FRMD5: variants seen among roughly 807,000 people sequenced by gnomAD.
The protein encoded by FRMD5 is FERM domain-containing protein 5.
A neutral mutation model predicts 69.0 loss-of-function variants in FRMD5; 20 were observed. The observed-to-expected ratio is 0.29, with a 90% CI of 0.20 to 0.42. The LOEUF (loss-of-function observed/expected upper bound fraction) is 0.42. FRMD5 is among the 10% of genes least tolerant of loss of function. The pLI is 1.00. For synonymous variants in FRMD5, 271 were observed against 260.1 expected, an observed-to-expected ratio of 1.04 and a Z score of -0.40; for missense variants, 595 against 708.6, an observed-to-expected ratio of 0.84 and a Z score of 1.82.
At chr15:44,060,501 A>C (rs1022846118) in intron 1 of FRMD5, among the ~76,000 whole-genome samples, 3 of 152,258 alleles carry the variant, frequency 2.0e-5, no homozygotes, top group Non-Finnish European at 4.4e-5. Flanking sequence ...AGATTAAAGT[A>C]AGATAAACAT....
intron 6 of FRMD5, among the ~76,000 whole-genome samples, chr15:43,905,179 C>T (rs1212124986): frequency 6.6e-6 from 1 of 150,940 alleles, no homozygotes; most frequent in African/African-American, 2.4e-5. Flanking sequence ...CTCTGTCACC[C>T]AGGCTAGAGT....
chr15:44,139,319 AC>A, intron 1 of FRMD5, among the ~76,000 whole-genome samples: 1 of 151,728 alleles, frequency 6.6e-6, no homozygotes, highest in Non-Finnish European at 1.5e-5. Context: ...ACACACACAC[AC>A]ACACACACAC....
At chr15:43,989,560 A>C (rs1889567262) in intron 1 of FRMD5, 5 of 868,600 alleles carry the variant, frequency 5.8e-6, no homozygotes, top group Non-Finnish European at 9.9e-6. Flanking sequence ...TGTCATGCAC[A>C]ATTTCCCGCT....
chr15:44,016,786 A>G (rs1046545881), intron 1 of FRMD5, among the ~76,000 whole-genome samples: 4 of 152,052 alleles, frequency 2.6e-5, no homozygotes, highest in Admixed American at 1.3e-4. Context: ...TTTTATAAAT[A>G]GAGTGGCCTT....
chr15:43,962,435 G>A (rs971010347), intron 1 of FRMD5, among the ~76,000 whole-genome samples: 1 of 152,200 alleles, frequency 6.6e-6, no homozygotes, highest in Non-Finnish European at 1.5e-5. Context: ...AACATTCCAT[G>A]CTCATGGGTA....
At chr15:44,037,405 G>A (rs949577658) in intron 1 of FRMD5, among the ~76,000 whole-genome samples, 1 of 151,568 alleles carries the variant, frequency 6.6e-6, no homozygotes, top group Admixed American at 6.6e-5. Context: ...CATTTGAGTT[G>A]GTTCCAAGTC....
intron 1 of FRMD5, among the ~76,000 whole-genome samples, chr15:44,146,106 G>T (rs890673211): frequency 6.6e-6 from 1 of 152,030 alleles, no homozygotes; most frequent in Admixed American, 6.6e-5. Flanking sequence ...CATCACCTAG[G>T]TATTAAGCCC....
At chr15:43,958,381 G>A (rs1283604286) in intron 1 of FRMD5, among the ~76,000 whole-genome samples, 2 of 152,202 alleles carry the variant, frequency 1.3e-5, no homozygotes, top group Non-Finnish European at 2.9e-5. Flanking sequence ...AGAAGAGAAA[G>A]AAGGGGGAGA....
chr15:43,886,069 G>A (rs2088655831), intron 10 of FRMD5, among the ~76,000 whole-genome samples: 1 of 152,194 alleles, frequency 6.6e-6, no homozygotes, highest in South Asian at 2.1e-4. Flanking sequence ...TGGTCTTGGG[G>A]AATAATAGAA....
At position 44,026,989 on chromosome 15, in the gene FRMD5, A is replaced by G. The variant is rs77843886; in HGVS notation, c.103-102680T>C. 4.9e-3 allele frequency among the ~76,000 whole-genome samples: 741 copies of G among 152,284 alleles called. 12 individuals are homozygous for G. Among genetic ancestry groups the G allele is most frequent in the African/African-American group, 0.017 (710 of 41,562 alleles). ...CATGTTTACAAATTCCTAAAATACA[A>G]TGCAATAAAAAATAGCAAGAAGAAT... On this transcript the variant is annotated intron_variant, in intron 1 of 13. Transcript: ENST00000417257.
At chr15:43,945,979 C>T (rs956992827) in intron 1 of FRMD5, among the ~76,000 whole-genome samples, 2 of 151,918 alleles carry the variant, frequency 1.3e-5, no homozygotes, top group Non-Finnish European at 2.9e-5. Context: ...TGCTTAAACC[C>T]GGGAGGCGGA....
chr15:44,067,674 TA>T (rs1268152692), intron 1 of FRMD5, among the ~76,000 whole-genome samples: 1 of 152,130 alleles, frequency 6.6e-6, no homozygotes, highest in Non-Finnish European at 1.5e-5. Flanking sequence ...CCTCATGACC[TA>T]ATCACGCCTA....
intron 1 of FRMD5, among the ~76,000 whole-genome samples, chr15:44,024,154 C>T (rs1891330814): frequency 6.6e-6 from 1 of 151,906 alleles, no homozygotes; most frequent in Non-Finnish European, 1.5e-5. Context: ...ATATTTTAAT[C>T]ATAGAGAAAA....
chr15:43,975,566 A>T (rs112877452), intron 1 of FRMD5, among the ~76,000 whole-genome samples: 2 of 152,312 alleles, frequency 1.3e-5, no homozygotes, highest in South Asian at 4.1e-4. Context: ...TGATTAGCAA[A>T]TATTTAAAAC....
At chr15:43,989,254 T>A in intron 1 of FRMD5, 1 of 791,620 alleles carries the variant, frequency 1.3e-6, no homozygotes, top group East Asian at 2.4e-5. Context: ...CTGCATCCTA[T>A]CGGCGATGCC....
intron 1 of FRMD5, among the ~76,000 whole-genome samples, chr15:44,019,624 C>G (rs1050829999): frequency 1.3e-5 from 2 of 150,092 alleles, no homozygotes; most frequent in African/African-American, 4.9e-5. Flanking sequence ...GTAATCCCAG[C>G]TACTTGGGAG....
At chr15:43,881,622 T>G (rs985914633) in intron 13 of FRMD5, among the ~76,000 whole-genome samples, 8 of 152,210 alleles carry the variant, frequency 5.3e-5, no homozygotes, top group Non-Finnish European at 1.2e-4. Context: ...TGCACTGTGC[T>G]TGCTGCCGGC....
Position 44,007,637 on chromosome 15 carries a change from A to ATTTTTTTT in FRMD5, c.103-83336_103-83329dup, listed in dbSNP as rs35512441. ...TCTAATTTTTTTAATTAATTAACTA[A>ATTTTTTTT]TTTTTTTTTTTTTTTTTTTTTTTTT... is the stretch of plus-strand genomic sequence containing the variant. On this transcript the variant is annotated intron_variant, in intron 1 of 13. Transcript: ENST00000417257. Among the ~76,000 whole-genome samples, 118 of 81,130 alleles carry ATTTTTTTT rather than the reference A, an allele frequency of 1.5e-3. 2 individuals carry two copies. The highest frequency in any genetic ancestry group is 2.0e-3 in the East Asian group (5 of 2,506). 53.2% of individuals were successfully genotyped at this position (81,130 alleles called of 152,430 possible).
At chr15:43,968,042 A>G (rs1364063457) in intron 1 of FRMD5, among the ~76,000 whole-genome samples, 1 of 151,552 alleles carries the variant, frequency 6.6e-6, no homozygotes, top group Non-Finnish European at 1.5e-5. Flanking sequence ...CTGATCTGAA[A>G]AAAAAAAAAA....
Sources: allele counts gnomAD v4.1 joint callset (sites outside exome capture counted in the v4.1 genomes callset), GRCh38; gene constraint gnomAD v4.1.1; transcripts MANE v1.5; gene names NCBI Gene and HGNC (gene_info 2026-07-23, HGNC 2026-07-21).